The following KIF19 variants were observed in gnomAD, a reference collection of about 807,000 sequenced individuals.
KIF19 encodes kinesin-like protein KIF19.
A neutral mutation model predicts 106.6 loss-of-function variants in KIF19; 98 were observed. The observed-to-expected ratio is 0.92, with a 90% CI of 0.78 to 1.09. KIF19 has a LOEUF of 1.09. Ranked by LOEUF, KIF19 falls within the 50% of genes least tolerant of loss-of-function variation. The probability of loss-of-function intolerance (pLI) is 0.00; values close to 1 mark genes in which losing one functional copy is unlikely to be tolerated. For synonymous variants in KIF19, 516 were observed against 584.2 expected (o/e 0.88, Z 1.68); for missense variants, 1,373 against 1,414.3 (o/e 0.97, Z 0.47).
At chr17:74,345,108 T>C (rs957397999) in intron 7 of KIF19, among the ~76,000 whole-genome samples, 153 bp downstream of exon 7, 2 of 151,788 alleles carry the variant, frequency 1.3e-5, no homozygotes, top group African/African-American at 4.8e-5. Context: ...CTCAGCTTCG[T>C]AGGAGTTGGA....
intron 17 of KIF19, 123 bp downstream of exon 17, chr17:74,353,704 A>G (rs773639672): frequency 1.3e-4 from 105 of 787,270 alleles, no homozygotes; most frequent in Non-Finnish European, 2.1e-4. Context: ...TGGGTGCTAC[A>G]CATTCTGTAG....
rs780066297 is a variant in KIF19, at chr17:74,346,396, C to T, written c.796C>T (p.Arg266Cys). ...RASQTQNRGQ[R>C]MKEGAHINRS... The stretch of plus-strand genomic sequence containing the variant: ...CCCCTAGACACAGAATCGTGGGCAG[C>T]GTATGAAGGAGGGGGCCCACATCAA... Residue 266 changes from arginine (R) to cysteine (C), a missense_variant, in exon 8 of 20, where the codon CGT becomes TGT. Arg to Cys is a radical substitution (Grantham distance 180). Around this residue, in one of 3 missense-constraint regions of KIF19, gnomAD observed 348 missense variants for 389.5 expected, o/e 0.89. Transcript: ENST00000389916. The surrounding 1 kb of genome is among the most constrained non-coding windows in gnomAD (Gnocchi z 4.6). The T allele has an allele frequency of 1.8e-5, 28 of 1,575,934 alleles. No individual in the cohort carries two copies. In the East Asian group the frequency reaches 2.8e-4, roughly 16 times the overall value.
chr17:74,349,441 G>T, intron 10 of KIF19, 92 bp downstream of exon 10: 1 of 1,340,658 alleles, frequency 7.5e-7, no homozygotes, highest in South Asian at 1.5e-5. Context: ...ATCCAGAATC[G>T]GGCTCTTTCT....
At chr17:74,332,205 TGTGTTTGTGTGTGTGTGTG>T (rs2054107771) in intron 2 of KIF19, among the ~76,000 whole-genome samples, 2 of 54,620 alleles carry the variant, frequency 3.7e-5, no homozygotes, top group African/African-American at 8.2e-5. Context: ...TGTGTGTGTG[TGTGTTTGTGTGTGTGTGTG>T]TGTGTGTGTG....
intron 2 of KIF19, among the ~76,000 whole-genome samples, chr17:74,338,749 C>T (rs1050455880): frequency 6.6e-6 from 1 of 151,910 alleles, no homozygotes; most frequent in East Asian, 1.9e-4. Flanking sequence ...GGCTGTCATC[C>T]TCCTGGGACT....
At chr17:74,349,399 G>A (rs557295549) in intron 10 of KIF19, 50 bp downstream of exon 10, 7 of 1,517,078 alleles carry the variant, frequency 4.6e-6, no homozygotes, top group South Asian at 2.6e-5. Flanking sequence ...CCAGCCTCAC[G>A]TTGCTCTGGG....
intron 18 of KIF19, 91 bp from the exon 19 acceptor site, chr17:74,354,691 C>T: frequency 1.3e-6 from 2 of 1,523,204 alleles, no homozygotes; most frequent in African/African-American, 1.4e-5. Flanking sequence ...TCCACAGTCT[C>T]TGTCCCCAGC....
rs114774679 is a variant in KIF19 at position 74,349,325 on chromosome 17, C to T, written c.1189C>T (p.Arg397Trp). 775 of 1,605,496 alleles carry T rather than the reference C, an allele frequency of 4.8e-4. 3 individuals are homozygous for T. The African/African-American group carries it at 9.2e-3, about 19-fold the overall frequency. ...GGGCCAGGCCCGGGGCCGGCAGGAT[C>T]GGGGTGACATCCGCCACATCCAAGG... ...GRGQARGRQD[R>W]GDIRHIQAEV... Residue 397 changes from arginine to tryptophan, a missense_variant, in exon 10 of 20, where the codon CGG becomes TGG. By Grantham distance (101) the Arg-to-Trp change is moderately radical (BLOSUM62 -3). This residue lies in a region of KIF19 where 1,020 missense variants were observed against 1,008.2 expected (regional missense o/e 1.01). Transcript: ENST00000389916.
intron 2 of KIF19, chr17:74,329,173 G>A (rs993972806): frequency 6.6e-6 from 1 of 152,176 alleles, no homozygotes; most frequent in Non-Finnish European, 1.5e-5. Flanking sequence ...GGAGGTCAGC[G>A]AGGGCTTCCT....
chr17:74,327,394 C>T (rs1251480499), intron 1 of KIF19, among the ~76,000 whole-genome samples: 4 of 152,246 alleles, frequency 2.6e-5, no homozygotes, highest in Non-Finnish European at 5.9e-5. Context: ...GTCCTCCCCT[C>T]CCGCCAGTGG....
In KIF19 at chr17:74,350,795, T is replaced by C; in HGVS notation, c.1477T>C (p.Ser493Pro). 6.2e-7 allele frequency: 1 copy of C among 1,613,958 alleles called. No individual in the cohort carries two copies. Among genetic ancestry groups the C allele is most frequent in the Non-Finnish European group, 8.5e-7 (1 of 1,179,892 alleles). The part of the protein sequence containing the change: ...CYAKDDSEKD[S>P]DTGDDQPDIL... ...CGCTAAGGACGACAGCGAGAAGGACTCAGACACAGGTGATGACCAACCAGA... is the reference window on the plus strand; with the variant it reads ...CGCTAAGGACGACAGCGAGAAGGACCCAGACACAGGTGATGACCAACCAGA... The change falls in exon 12 of 20, where the codon TCA (serine) becomes CCA (proline). Residue 493 changes from serine to proline, a missense_variant. Physicochemically the swap from Ser to Pro is moderately conservative, Grantham distance 74. Around this residue, in one of 3 missense-constraint regions of KIF19, gnomAD observed 1,020 missense variants for 1,008.2 expected, o/e 1.01. Transcript: ENST00000389916.
intron 2 of KIF19, among the ~76,000 whole-genome samples, chr17:74,337,108 A>C (rs1030166860): frequency 3.9e-5 from 6 of 152,184 alleles, no homozygotes; most frequent in Non-Finnish European, 8.8e-5. Context: ...TGCTGGGATT[A>C]CAGGCATGAG....
At position 74,342,633 on chromosome 17, in the gene KIF19, A is replaced by G. The variant is rs1024208590; in HGVS notation, c.235A>G (p.Met79Val). The G allele has an allele frequency of 1.9e-6, 3 of 1,611,826 alleles. No homozygotes were observed. The highest frequency in any genetic ancestry group is 2.5e-6 in the Non-Finnish European group (3 of 1,178,944). Residue 79 changes from methionine (M) to valine (V), a missense_variant, in exon 4 of 20, where the codon ATG (methionine) becomes GTG (valine). By Grantham distance (21) the Met-to-Val change is conservative. Around this residue, in one of 3 missense-constraint regions of KIF19, gnomAD observed 348 missense variants for 389.5 expected, o/e 0.89. Transcript: ENST00000389916. ...TGACAGGCTTCCTTCCTCGCAGGAG[A>G]TGGTGTATCAGGCCACCACCAAGAG... The part of the protein sequence containing the change: ...VAFDFTATQE[M>V]VYQATTKSLI...
rs778252930 is a variant in KIF19 at position 74,344,241 on chromosome 17, C to T, written c.475C>T (p.Arg159Trp). 6.1e-5 allele frequency: 98 copies of T among 1,612,738 alleles called. No individual in the cohort carries two copies. In the South Asian group the frequency reaches 7.5e-4, roughly 12 times the overall value. Residue 159 changes from arginine (R) to tryptophan (W), a missense_variant, in exon 6 of 20, where the codon CGG becomes TGG. By Grantham distance (101) the Arg-to-Trp change is moderately radical. Transcript: ENST00000389916. The stretch of plus-strand genomic sequence containing the variant: ...CCGTCAGATCTACAATGAGATGATC[C>T]GGGACCTGCTGAACCCCTCCCTGGG... ...SYLEIYNEMIRDLLNPSLGYL... is the reference protein window; with the variant it reads ...SYLEIYNEMIWDLLNPSLGYL...
rs1567927515 is a variant in KIF19, at chr17:74,355,235, CG to C, written c.2921del (p.Arg974HisfsTer56). On this transcript the variant is annotated frameshift_variant, in exon 20 of 20. Coordinates refer to ENST00000389916, the MANE Select transcript of KIF19 (RefSeq NM_153209.4). LOFTEE classifies it low-confidence loss of function (END_TRUNC). ...AVPPNPGGGSRRATRGPRLPH... is the reference protein window; with the variant it reads ...AVPPNPGGGSXRATRGPRLPH... ...TCCCCCCAACCCAGGTGGTGGTTCTCGACGGGCTACCCGTGGGCCCCGCCTG... is the reference window on the plus strand; with the variant it reads ...TCCCCCCAACCCAGGTGGTGGTTCTCACGGGCTACCCGTGGGCCCCGCCTG... The C allele has an allele frequency of 6.2e-7, 1 of 1,612,748 alleles. No individual in the cohort carries two copies.
chr17:74,326,505 G>A (rs1053984425), intron 1 of KIF19, 117 bp downstream of exon 1: 4 of 922,858 alleles, frequency 4.3e-6, no homozygotes, highest in Non-Finnish European at 6.7e-6. Context: ...GCAACGACCA[G>A]GGCCGGGACT....
At chr17:74,340,553 G>GCA (rs1407478324) in intron 2 of KIF19, among the ~76,000 whole-genome samples, 14 of 480 alleles carry the variant, frequency 0.029, no homozygotes, top group Admixed American at 0.12. Flanking sequence ...GTATGCGCGC[G>GCA]CGTACACACA....
chr17:74,354,600 A>G (rs369193610), intron 18 of KIF19, 41 bp downstream of exon 18: 122 of 1,559,990 alleles, frequency 7.8e-5, no homozygotes, highest in East Asian at 5.2e-4. Context: ...GCACTCCCAT[A>G]GCAGCTGGAG....
At chr17:74,353,398 C>A in intron 16 of KIF19, 96 bp from the exon 17 acceptor site, 1 of 1,447,048 alleles carries the variant, frequency 6.9e-7, no homozygotes, top group Non-Finnish European at 9.5e-7. Context: ...CTTTCCCAAA[C>A]GGCACCAGCT....
Sources: allele counts gnomAD v4.1 joint callset (sites outside exome capture counted in the v4.1 genomes callset), GRCh38; gene constraint gnomAD v4.1.1; regional missense constraint gnomAD v4.1.1; non-coding constraint Gnocchi (gnomAD v3.1); transcripts MANE v1.5; gene names NCBI Gene and HGNC (gene_info 2026-07-23, HGNC 2026-07-21).